Variants in PRKCE observed in about 807,000 individuals in gnomAD.
PRKCE encodes the protein protein kinase C epsilon.
Under a neutral mutation model 85.4 loss-of-function variants are expected in PRKCE, and 16 were observed. The ratio of observed to expected loss-of-function variants is 0.19; its 90% CI spans 0.13 to 0.28. PRKCE has a LOEUF of 0.28. PRKCE is among the 10% of genes least tolerant of loss of function. The pLI is 1.00. For missense variants in PRKCE, 573 were observed against 975.2 expected (o/e 0.59, Z 5.49); for synonymous variants, 388 against 371.5 (o/e 1.04, Z -0.51).
chr2:45,728,003 G>GC (rs1300665372), intron 1 of PRKCE, among the ~76,000 whole-genome samples: 1 of 152,172 alleles, frequency 6.6e-6, no homozygotes, highest in Non-Finnish European at 1.5e-5. Context: ...GGAAAATAAA[G>GC]CCCTTACTGG....
chr2:45,858,830 C>G (rs963959659), intron 2 of PRKCE, among the ~76,000 whole-genome samples: 20 of 152,004 alleles, frequency 1.3e-4, no homozygotes, highest in African/African-American at 4.8e-4. Flanking sequence ...CACTTGAGGT[C>G]AGGAGTTTGA....
At chr2:45,766,472 G>A (rs995996629) in intron 1 of PRKCE, among the ~76,000 whole-genome samples, 7 of 152,140 alleles carry the variant, frequency 4.6e-5, no homozygotes. Context: ...TTCCCTTTGG[G>A]TTAGATCGGA....
At chr2:46,148,764 C>T (rs1012579675) in intron 12 of PRKCE, among the ~76,000 whole-genome samples, 5 of 152,150 alleles carry the variant, frequency 3.3e-5, no homozygotes, top group Non-Finnish European at 5.9e-5. Flanking sequence ...TAACTAACGA[C>T]GTAGTGGTAT....
chr2:45,744,957 T>C (rs1357827444), intron 1 of PRKCE, among the ~76,000 whole-genome samples: 1 of 152,174 alleles, frequency 6.6e-6, no homozygotes, highest in Non-Finnish European at 1.5e-5. Context: ...GAGTCTCTTG[T>C]GGTGCTCTGA....
At chr2:46,156,353 G>A (rs1397884398) in intron 13 of PRKCE, among the ~76,000 whole-genome samples, 1 of 152,026 alleles carries the variant, frequency 6.6e-6, no homozygotes, top group East Asian at 1.9e-4. Context: ...GTCAGAGCCT[G>A]CTGTGCTTCT....
intron 1 of PRKCE, among the ~76,000 whole-genome samples, chr2:45,822,449 G>T (rs992032325): frequency 6.6e-6 from 1 of 152,222 alleles, no homozygotes; most frequent in Non-Finnish European, 1.5e-5. Flanking sequence ...GGGTGGCCCA[G>T]GTCCTGCCTG....
intron 4 of PRKCE, among the ~76,000 whole-genome samples, chr2:45,980,040 C>T (rs140501111): frequency 2.0e-5 from 3 of 152,302 alleles, no homozygotes; most frequent in Non-Finnish European, 4.4e-5. Context: ...AGTACTCCCT[C>T]AACTGGAGAA....
chr2:45,847,757 T>G (rs1012417394), intron 2 of PRKCE, among the ~76,000 whole-genome samples: 1 of 152,256 alleles, frequency 6.6e-6, no homozygotes, highest in Admixed American at 6.5e-5. Flanking sequence ...CTTTTTATTT[T>G]AGTTCTCTTC....
At chr2:45,950,666 G>T (rs2104328470) in intron 2 of PRKCE, among the ~76,000 whole-genome samples, 1 of 152,242 alleles carries the variant, frequency 6.6e-6, no homozygotes, top group Non-Finnish European at 1.5e-5. Context: ...GCCATGGAGT[G>T]AAAAAGGTTA....
chr2:46,157,418 T>C (rs1214115978), intron 13 of PRKCE, among the ~76,000 whole-genome samples: 2 of 152,162 alleles, frequency 1.3e-5, no homozygotes, highest in Non-Finnish European at 2.9e-5. Context: ...CCTTAGACAT[T>C]CAGTAATGTC....
In PRKCE at chr2:46,145,009, T is replaced by A. The variant is rs941168608; in HGVS notation, c.1593-84T>A. The stretch of plus-strand genomic sequence containing the variant: ...AGGACTTTTTTGCTGGAGATTTCCC[T>A]AAGATAGGCACATACCTCCAACTCA... On this transcript the variant is annotated intron_variant, in intron 11 of 14. Transcript: ENST00000306156. This position sits in a 1 kb window ranked among gnomAD's most constrained non-coding sequence, Gnocchi z 4.6. The A allele has an allele frequency of 6.4e-7, 1 of 1,563,536 alleles. No individual in the cohort carries two copies. The highest frequency in any genetic ancestry group is 1.7e-5 in the Admixed American group (1 of 58,450).
intron 2 of PRKCE, among the ~76,000 whole-genome samples, chr2:45,952,942 T>C (rs13410416): frequency 1.3e-5 from 2 of 152,216 alleles, no homozygotes; most frequent in African/African-American, 4.8e-5. Flanking sequence ...AGGATTTGTC[T>C]TAAGCGGTAG....
chr2:45,792,431 A>T (rs1687105028), intron 1 of PRKCE, among the ~76,000 whole-genome samples: 1 of 152,200 alleles, frequency 6.6e-6, no homozygotes, highest in Admixed American at 6.5e-5. Context: ...AGTGCTCAGT[A>T]AATGCTAAGC....
intron 2 of PRKCE, among the ~76,000 whole-genome samples, chr2:45,930,222 A>G (rs1193886258): frequency 6.6e-6 from 1 of 152,236 alleles, no homozygotes; most frequent in Non-Finnish European, 1.5e-5. Flanking sequence ...CACAGACTGA[A>G]TTAGAAATAG....
Position 45,969,890 on chromosome 2 carries a change from T to A in PRKCE, c.413-6539T>A, listed in dbSNP as rs763893774. 5.3e-5 allele frequency among the ~76,000 whole-genome samples: 8 copies of A among 152,350 alleles called. No homozygotes were observed. The South Asian group carries it at 1.2e-3, about 24-fold the overall frequency. On this transcript the variant is annotated intron_variant, in intron 2 of 14. Transcript: ENST00000306156. ...AACACATTTCTCCAGGTTTCTGTGG[T>A]CTTTCTTCACCCTCTTAAAGTTGCT... is the stretch of plus-strand genomic sequence containing the variant.
chr2:45,715,744 T>C (rs1314921997), intron 1 of PRKCE, among the ~76,000 whole-genome samples: 1 of 152,198 alleles, frequency 6.6e-6, no homozygotes, highest in Admixed American at 6.5e-5. Context: ...TCTGTCTTCT[T>C]TGCACTACAC....
chr2:45,982,646 C>T (rs1247706910), intron 5 of PRKCE, among the ~76,000 whole-genome samples: 1 of 152,220 alleles, frequency 6.6e-6, no homozygotes, highest in Non-Finnish European at 1.5e-5. Context: ...GTGTCCTCCT[C>T]AGCAAGCGCA....
chr2:45,829,791 C>G (rs755541803), intron 1 of PRKCE, among the ~76,000 whole-genome samples: 1 of 152,138 alleles, frequency 6.6e-6, no homozygotes, highest in African/African-American at 2.4e-5. Flanking sequence ...TTGGAAGGCT[C>G]GGCCGGGCGC....
chr2:46,036,036 T>G lies in PRKCE; in HGVS notation c.1437+25519T>G, dbSNP rs372852025. On this transcript the variant is annotated intron_variant, in intron 10 of 14. Transcript: ENST00000306156. ...TGTTGTAATCCAGGGTGGTCTCTGA[T>G]GAATTACAGTAACATTTAAGCAGAA... 7.9e-5 allele frequency among the ~76,000 whole-genome samples: 12 copies of G among 152,324 alleles called. No individual in the cohort carries two copies. The East Asian group carries it at 1.3e-3, about 17-fold the overall frequency.
Sources: allele counts gnomAD v4.1 joint callset (sites outside exome capture counted in the v4.1 genomes callset), GRCh38; gene constraint gnomAD v4.1.1; non-coding constraint Gnocchi (gnomAD v3.1); transcripts MANE v1.5; gene names NCBI Gene and HGNC (gene_info 2026-07-23, HGNC 2026-07-21).